Variants in GSDME observed in about 807,000 individuals in gnomAD.
GSDME encodes the protein gasdermin-E.
A neutral mutation model predicts 47.5 loss-of-function variants in GSDME; 44 were observed. The ratio of observed to expected loss-of-function variants is 0.93; its 90% confidence interval spans 0.73 to 1.19. The LOEUF (loss-of-function observed/expected upper bound fraction) is 1.19, where lower values mean the gene tolerates loss of function less well. Among genes scored for constraint, GSDME ranks in the 50% most tolerant of loss-of-function variants. The pLI, the probability that GSDME is intolerant of heterozygous loss-of-function variation, is 0.00. For missense variants in GSDME, 663 were observed against 604.2 expected, an observed-to-expected ratio of 1.10 and a Z score of -1.02; for synonymous variants, 258 against 252.8, an observed-to-expected ratio of 1.02 and a Z score of -0.20.
chr7:24,700,531 G>A (rs924369938), intron 9 of GSDME, among the ~76,000 whole-genome samples: 1 of 152,168 alleles, frequency 6.6e-6, no homozygotes, highest in African/African-American at 2.4e-5. Flanking sequence ...AAAAATTCCA[G>A]AAATTTCCTG....
Position 24,744,790 on chromosome 7 carries a change from T to A in GSDME, c.212-36A>T. The A allele has an allele frequency of 6.2e-7, 1 of 1,609,618 alleles. No individual in the cohort carries two copies. The highest frequency in any genetic ancestry group is 8.5e-7 in the Non-Finnish European group (1 of 1,176,940). Reference sequence around the variant, plus strand: ...GGAGACGAGCAGAGGAAGCCGATGATGATAAGGCCACCAAGATGTCTTGGG... The same window carrying A: ...GGAGACGAGCAGAGGAAGCCGATGAAGATAAGGCCACCAAGATGTCTTGGG... On this transcript the variant is annotated intron_variant, in intron 2 of 9. Transcript: ENST00000645220. This position sits in a 1 kb window ranked among gnomAD's most constrained non-coding sequence, Gnocchi z 4.5.
In GSDME at chr7:24,702,870, A is replaced by C. The variant is rs750543124; in HGVS notation, c.1184-37T>G. The C allele has an allele frequency of 2.5e-6, 4 of 1,591,144 alleles. No homozygotes were observed. The South Asian group carries it at 3.3e-5, about 13-fold the overall frequency. ...AAAAATCACAGTCACAGTCCAAAAA[A>C]ACAAGTCCATGGGAACAGAGCCAGC... On this transcript the variant is annotated intron_variant, in intron 8 of 9. Transcript: ENST00000645220.
At position 24,698,822 on chromosome 7, in the gene GSDME, G is replaced by C; in HGVS notation, c.*204C>G. 1 of 603,658 alleles carries C rather than the reference G, an allele frequency of 1.7e-6. No homozygotes were observed. Among genetic ancestry groups the C allele is most frequent in the Non-Finnish European group, 3.0e-6 (1 of 333,550 alleles). The allele number at this position is 603,658 out of a possible 1,614,324, so 37.4% of individuals were successfully genotyped here. ...ACCTAACTCAGATGCTGGGTCACCA[G>C]CACAGGAGGGCCTCTGATAAGGAAA... On this transcript the variant is annotated 3_prime_UTR_variant, in exon 10 of 10. Transcript: ENST00000645220.
chr7:24,710,896 A>G (rs1380122116), intron 5 of GSDME, among the ~76,000 whole-genome samples: 1 of 152,260 alleles, frequency 6.6e-6, no homozygotes, highest in African/African-American at 2.4e-5. Flanking sequence ...CTGCAGTTAT[A>G]TGAATGAATT....
rs138456522 is a variant in GSDME at position 24,755,932 on chromosome 7, C to A, written c.-20+1464G>T. ...TCTCATTGTTAGCAATTTCAGCATA[C>A]TTTGAATTAGTTTTAGTTTTCTAGA... On this transcript the variant is annotated intron_variant, in intron 1 of 9. Coordinates refer to ENST00000645220, the MANE Select transcript of GSDME (RefSeq NM_001127453.2). 3.3e-5 allele frequency among the ~76,000 whole-genome samples: 5 copies of A among 152,272 alleles called. No homozygotes were observed. The East Asian group carries it at 9.6e-4, about 29-fold the overall frequency.
At chr7:24,790,379 T>G in the GSDME span, among the ~76,000 whole-genome samples, 2 of 152,182 alleles carry the variant, frequency 1.3e-5, no homozygotes, top group African/African-American at 4.8e-5. This position sits in a 1 kb window ranked among gnomAD's most constrained non-coding sequence, Gnocchi z 4.1. Context: ...CAGGGGGCCA[T>G]TCATCAACTT....
chr7:24,785,411 G>T, the GSDME span, among the ~76,000 whole-genome samples: 7 of 152,248 alleles, frequency 4.6e-5, no homozygotes, highest in East Asian at 1.4e-3. Context: ...CTCTTTTAAT[G>T]TAAAAGGGTT....
intron 8 of GSDME, 119 bp from the exon 9 acceptor site, chr7:24,702,952 G>A (rs1395663449): frequency 2.5e-6 from 2 of 784,602 alleles, no homozygotes; most frequent in South Asian, 1.4e-5. Context: ...GGCAGGGGAG[G>A]TACTCAGCAG....
Position 24,699,017 on chromosome 7 carries a change from C to T in GSDME, c.*9G>A. The T allele has an allele frequency of 3.1e-6, 5 of 1,587,502 alleles. No individual in the cohort carries two copies. The highest frequency in any genetic ancestry group is 4.3e-6 in the Non-Finnish European group (5 of 1,156,400). On this transcript the variant is annotated 3_prime_UTR_variant, in exon 10 of 10. Coordinates refer to ENST00000645220, the MANE Select transcript of GSDME (RefSeq NM_001127453.2). ...GCCAGTAACACGTACTTCTAGTTCA[C>T]ATATGACATCATGAATGTTCTCTGC...
intron 6 of GSDME, among the ~76,000 whole-genome samples, chr7:24,709,552 GCA>G (rs1272745896): frequency 6.6e-6 from 1 of 151,870 alleles, no homozygotes; most frequent in Middle Eastern, 3.2e-3. Context: ...AAGCCAGCGC[GCA>G]CACGGAGCGG....
chr7:24,792,131 T>G, the GSDME span, among the ~76,000 whole-genome samples: 2 of 152,234 alleles, frequency 1.3e-5, no homozygotes, highest in African/African-American at 2.4e-5. Context: ...TTGTTTAACA[T>G]GCCAACGGTA....
At chr7:24,706,738 G>T (rs1253086130) in intron 7 of GSDME, among the ~76,000 whole-genome samples, 2 of 152,202 alleles carry the variant, frequency 1.3e-5, no homozygotes, top group Non-Finnish European at 2.9e-5. Context: ...GTTAAGCTAG[G>T]CGCTCCAGCC....
the GSDME span, among the ~76,000 whole-genome samples, chr7:24,779,909 C>T: frequency 6.6e-6 from 1 of 152,256 alleles, no homozygotes; most frequent in African/African-American, 2.4e-5. This position sits in a 1 kb window ranked among gnomAD's most constrained non-coding sequence, Gnocchi z 6.0. Context: ...ATTTCGCCCT[C>T]ATCTCATTGG....
chr7:24,737,116 C>G (rs1790331048), intron 3 of GSDME, among the ~76,000 whole-genome samples: 2 of 151,794 alleles, frequency 1.3e-5, no homozygotes, highest in South Asian at 4.2e-4. Flanking sequence ...CAAGATCAAA[C>G]CAAATCCAAA....
chr7:24,758,334 T>C (rs1251171848), upstream of GSDME, among the ~76,000 whole-genome samples: 1 of 152,204 alleles, frequency 6.6e-6, no homozygotes, highest in African/African-American at 2.4e-5. This position sits in a 1 kb window ranked among gnomAD's most constrained non-coding sequence, Gnocchi z 4.6. Context: ...CGCTCCCAGG[T>C]CCAGAAGACA....
chr7:24,765,598 T>C, the GSDME span, among the ~76,000 whole-genome samples: 1 of 152,248 alleles, frequency 6.6e-6, no homozygotes, highest in African/African-American at 2.4e-5. Flanking sequence ...CTGCCCTTTT[T>C]CTGTCCTTCA....
At position 24,735,500 on chromosome 7, in the gene GSDME, T is replaced by C. The variant is rs200457630; in HGVS notation, c.404+9062A>G. On this transcript the variant is annotated intron_variant, in intron 3 of 9. Transcript: ENST00000645220. The surrounding 1 kb of genome is among the most constrained non-coding windows in gnomAD (Gnocchi z 4.4). ...GGCCGGGCACAGTGGCTCACGCCTG[T>C]AATCCCAGCAGTTTGGGAGGCCGAG... Among the ~76,000 whole-genome samples the C allele has an allele frequency of 6.6e-6, 1 of 152,150 alleles. No homozygotes were observed. Among genetic ancestry groups the C allele is most frequent in the Non-Finnish European group, 1.5e-5 (1 of 68,022 alleles).
chr7:24,791,693 T>C, the GSDME span, among the ~76,000 whole-genome samples: 7 of 152,264 alleles, frequency 4.6e-5, no homozygotes, highest in Middle Eastern at 3.4e-3. This position sits in a 1 kb window ranked among gnomAD's most constrained non-coding sequence, Gnocchi z 4.8. Context: ...AGATAGCCAA[T>C]TGGACTAAAG....
chr7:24,703,097 T>TGC (rs1757786199), intron 8 of GSDME: 1 of 391,156 alleles, frequency 2.6e-6, no homozygotes, highest in Admixed American at 3.6e-5. Context: ...TGGAAAGAAC[T>TGC]GCCCAGACTC....
Sources: gnomAD v4.1 joint callset for allele counts (sites outside exome capture counted in the v4.1 genomes callset) on GRCh38, gnomAD v4.1.1 for gene constraint, Gnocchi (gnomAD v3.1) non-coding constraint, MANE v1.5 for transcripts, NCBI Gene and HGNC (gene_info 2026-07-23, HGNC 2026-07-21) for gene names.